TFAP2D: variants seen among roughly 807,000 people sequenced by gnomAD.
The protein encoded by TFAP2D is transcription factor AP-2 delta.
A neutral mutation model predicts 43.6 loss-of-function variants in TFAP2D; 9 were observed. The ratio of observed to expected loss-of-function variants is 0.21; its 90% CI spans 0.12 to 0.36. The LOEUF (loss-of-function observed/expected upper bound fraction) is 0.36, where lower values mean the gene tolerates loss of function less well. TFAP2D is among the 10% of genes least tolerant of loss of function. TFAP2D has a pLI of 1.00. For synonymous variants in TFAP2D, 256 were observed against 224.9 expected (o/e 1.14, Z -1.24); for missense variants, 513 against 561.4 (o/e 0.91, Z 0.87).
chr6:50,732,760 A>C (rs1768911846), intron 5 of TFAP2D, among the ~76,000 whole-genome samples: 1 of 152,078 alleles, frequency 6.6e-6, no homozygotes, highest in South Asian at 2.1e-4. Context: ...TTAGCAAATG[A>C]ACATTTGTTT....
intron 5 of TFAP2D, among the ~76,000 whole-genome samples, chr6:50,742,994 C>CACACACACACAT (rs957070816): frequency 4.1e-5 from 6 of 147,446 alleles, no homozygotes; most frequent in Admixed American, 1.4e-4. Context: ...CACACACACA[C>CACACACACACAT]ATCTTTGTGC....
chr6:50,754,140 C>T (rs996396722), intron 7 of TFAP2D, among the ~76,000 whole-genome samples: 5 of 151,916 alleles, frequency 3.3e-5, no homozygotes, highest in Admixed American at 6.6e-5. Flanking sequence ...TCTCCTCTCC[C>T]CAGCCTCTGT....
intron 7 of TFAP2D, among the ~76,000 whole-genome samples, chr6:50,754,276 C>T (rs879438641): frequency 2.0e-5 from 3 of 151,832 alleles, no homozygotes; most frequent in Non-Finnish European, 2.9e-5. Context: ...CTTCCATGTT[C>T]ATCCATGTCA....
intron 6 of TFAP2D, among the ~76,000 whole-genome samples, chr6:50,748,933 T>A (rs1769162145): frequency 6.6e-6 from 1 of 151,848 alleles, no homozygotes; most frequent in African/African-American, 2.4e-5. Context: ...CTGAAGATCA[T>A]CTTGTGTTAC....
chr6:50,713,989 G>A lies in TFAP2D; in HGVS notation c.-67G>A, dbSNP rs1750685628. 6.3e-7 allele frequency: 1 copy of A among 1,594,950 alleles called. No individual in the cohort carries two copies. The highest frequency in any genetic ancestry group is 8.6e-7 in the Non-Finnish European group (1 of 1,167,244). On this transcript the variant is annotated 5_prime_UTR_variant, in exon 1 of 8. Transcript: ENST00000008391. ...AAAATTGGAAAATACAAGAAGTTTG[G>A]ATTTTTTTTTCCCGATTCTTTTTTT... is the stretch of plus-strand genomic sequence containing the variant.
intron 6 of TFAP2D, among the ~76,000 whole-genome samples, chr6:50,748,422 A>G (rs1357935982): frequency 3.9e-5 from 6 of 151,946 alleles, no homozygotes; most frequent in Non-Finnish European, 8.8e-5. Flanking sequence ...AATTTATTGA[A>G]TGAGAGATCC....
intron 7 of TFAP2D, among the ~76,000 whole-genome samples, chr6:50,762,552 C>T (rs1461620327): frequency 6.6e-6 from 1 of 152,068 alleles, no homozygotes; most frequent in Non-Finnish European, 1.5e-5. Flanking sequence ...AAACAGTTAC[C>T]TCCTTCCTGA....
Position 50,728,684 on chromosome 6 carries a change from T to A in TFAP2D, c.599-172T>A, listed in dbSNP as rs1768841653. Among the ~76,000 whole-genome samples the A allele has an allele frequency of 2.0e-5, 3 of 152,132 alleles. No homozygotes were observed. The South Asian group carries it at 6.2e-4, about 31-fold the overall frequency. On this transcript the variant is annotated intron_variant, in intron 3 of 7. Transcript: ENST00000008391. ...AACATTGAAAAGACATGACCCTGAG[T>A]AGTATTTGAAAGAACATTTAGAGCA...
chr6:50,751,740 G>A (rs1161004473), intron 7 of TFAP2D, among the ~76,000 whole-genome samples: 3 of 151,872 alleles, frequency 2.0e-5, no homozygotes, highest in Non-Finnish European at 4.4e-5. Flanking sequence ...TTGGAGATTA[G>A]GTTTCAGTAT....
Position 50,748,799 on chromosome 6 carries a change from T to A in TFAP2D, c.1026-2412T>A, listed in dbSNP as rs1769160358. Among the ~76,000 whole-genome samples, 4 of 151,994 alleles carry A rather than the reference T, an allele frequency of 2.6e-5. No homozygotes were observed. The South Asian group carries it at 8.3e-4, about 31-fold the overall frequency. On this transcript the variant is annotated intron_variant, in intron 6 of 7. Transcript: ENST00000008391. ...AGGTAAAGCAGAATAGTTAACAACT[T>A]TTAGTGTTACCATACTGTTAATCAT...
chr6:50,750,548 A>G (rs1769186540), intron 6 of TFAP2D, among the ~76,000 whole-genome samples: 2 of 151,986 alleles, frequency 1.3e-5, no homozygotes, highest in Non-Finnish European at 2.9e-5. Flanking sequence ...ACATTGTAAC[A>G]CTGTAATTAA....
At chr6:50,749,782 G>A (rs1409902833) in intron 6 of TFAP2D, among the ~76,000 whole-genome samples, 2 of 151,876 alleles carry the variant, frequency 1.3e-5, no homozygotes, top group Non-Finnish European at 2.9e-5. Context: ...CTGTCTGAAT[G>A]AAAGTAGAAA....
chr6:50,745,199 A>G lies in TFAP2D; in HGVS notation c.976A>G (p.Met326Val), dbSNP rs1336888070. The G allele has an allele frequency of 6.2e-7, 1 of 1,613,630 alleles. No homozygotes were observed. Among genetic ancestry groups the G allele is most frequent in the Non-Finnish European group, 8.5e-7 (1 of 1,179,788 alleles). Residue 326 changes from methionine to valine, a missense_variant, in exon 6 of 8, where the codon ATG (methionine) becomes GTG (valine). Met to Val is a conservative substitution (Grantham distance 21). Transcript: ENST00000008391. ...AGGAGAACATCTTGCCAGACAACAT[A>G]TGGAACAGAAAGAACAGACAGCAAG... ...AVGEHLARQH[M>V]EQKEQTARKK...
chr6:50,750,130 T>C (rs555785917), intron 6 of TFAP2D, among the ~76,000 whole-genome samples: 4 of 152,086 alleles, frequency 2.6e-5, no homozygotes, highest in Non-Finnish European at 5.9e-5. Flanking sequence ...TACTTCAAGA[T>C]ATTTTGTCAC....
chr6:50,715,493 C>T lies in TFAP2D; in HGVS notation c.417C>T (p.Ala139=). Residue 139 remains alanine, a synonymous_variant, in exon 2 of 8, where the codon GCC becomes GCT. Transcript: ENST00000008391. ...EQRRELGCLD[A]YRRHDLSLMS... ...GGCGGGAGCTGGGCTGCCTCGATGC[C>T]TACCGCCGCCATGACCTGTCCCTCA... 1 of 1,613,726 alleles carries T rather than the reference C, an allele frequency of 6.2e-7. No individual in the cohort carries two copies. Among genetic ancestry groups the T allele is most frequent in the Non-Finnish European group, 8.5e-7 (1 of 1,180,036 alleles).
chr6:50,722,673 C>A (rs968574519), intron 3 of TFAP2D, among the ~76,000 whole-genome samples: 1 of 151,904 alleles, frequency 6.6e-6, no homozygotes, highest in African/African-American at 2.4e-5. Context: ...ATATTGGAAT[C>A]GCAGGGTGGG....
chr6:50,720,842 C>T (rs570913460), intron 3 of TFAP2D, among the ~76,000 whole-genome samples: 1 of 152,292 alleles, frequency 6.6e-6, no homozygotes, highest in South Asian at 2.1e-4. Context: ...CCGCTTCTCC[C>T]ACAGCCGGCC....
chr6:50,766,085 G>T (rs1307534888), intron 7 of TFAP2D, among the ~76,000 whole-genome samples: 1 of 152,082 alleles, frequency 6.6e-6, no homozygotes, highest in Non-Finnish European at 1.5e-5. Context: ...TTTGCATGTG[G>T]ATACTCAGTT....
intron 5 of TFAP2D, among the ~76,000 whole-genome samples, chr6:50,729,545 A>G (rs543055106): frequency 6.6e-6 from 1 of 152,330 alleles, no homozygotes; most frequent in South Asian, 2.1e-4. Flanking sequence ...GAAATAAGAC[A>G]ATGGAGGTTT....
Sources: gnomAD v4.1 joint callset for allele counts (sites outside exome capture counted in the v4.1 genomes callset) on GRCh38, gnomAD v4.1.1 for gene constraint, MANE v1.5 for transcripts, NCBI Gene and HGNC (gene_info 2026-07-23, HGNC 2026-07-21) for gene names.